Variants in RBM47 observed in about 807,000 individuals in gnomAD.
RBM47 encodes the protein RNA binding motif protein 47, also known as RNA-binding protein 47.
RBM47 carries 21 observed loss-of-function variants against 47.1 expected under a neutral mutation model. That is an observed-to-expected ratio of 0.45 (90% CI 0.32 to 0.64). RBM47 has a LOEUF of 0.64. Ranked by LOEUF, RBM47 falls within the 30% of genes least tolerant of loss-of-function variation. The pLI is 0.05. For missense variants in RBM47, 708 were observed against 870.9 expected (o/e 0.81, Z 2.35); for synonymous variants, 375 against 361.7 (o/e 1.04, Z -0.42).
intron 1 of RBM47, among the ~76,000 whole-genome samples, chr4:40,601,580 A>G (rs1204947852): frequency 6.6e-6 from 1 of 152,242 alleles, no homozygotes; most frequent in Admixed American, 6.5e-5. Context: ...AGCCTTAATT[A>G]TTTAAGCAGA....
In RBM47 at chr4:40,491,508, CTTTA is replaced by C. The variant is rs34645613; in HGVS notation, c.-154-24813_-154-24810del. 8.4e-3 allele frequency among the ~76,000 whole-genome samples: 1,278 copies of C among 152,188 alleles called. 23 individuals carry two copies. The highest frequency in any genetic ancestry group is 0.029 in the African/African-American group (1,203 of 41,528). On this transcript the variant is annotated intron_variant, in intron 2 of 6. Transcript: ENST00000295971. Reference sequence around the variant, plus strand: ...AATTGTCCTTTGTCAAAATGGGAAGCTTTATTTCTCAAAGGACACCATTAAGAAA... The same window carrying C: ...AATTGTCCTTTGTCAAAATGGGAAGCTTTCTCAAAGGACACCATTAAGAAA...
chr4:40,607,537 T>C (rs1323293266), intron 1 of RBM47, among the ~76,000 whole-genome samples: 1 of 152,060 alleles, frequency 6.6e-6, no homozygotes, highest in African/African-American at 2.4e-5. Context: ...TGGGACTCCA[T>C]CTCTACAAAA....
chr4:40,474,189 A>C (rs1044823978), intron 2 of RBM47, among the ~76,000 whole-genome samples: 3 of 152,172 alleles, frequency 2.0e-5, no homozygotes, highest in Non-Finnish European at 4.4e-5. Flanking sequence ...GCAGAATTGA[A>C]CTACAAATTG....
At chr4:40,609,062 C>T (rs1705701522) in intron 1 of RBM47, among the ~76,000 whole-genome samples, 1 of 152,074 alleles carries the variant, frequency 6.6e-6, no homozygotes, top group African/African-American at 2.4e-5. Context: ...GGCATGATCT[C>T]AGCTCACTGC....
intron 2 of RBM47, among the ~76,000 whole-genome samples, chr4:40,479,935 C>A (rs1184239427): frequency 6.6e-6 from 1 of 151,984 alleles, no homozygotes. Flanking sequence ...ACACAGGCAA[C>A]CCCCATACAT....
intron 2 of RBM47, among the ~76,000 whole-genome samples, chr4:40,493,204 A>C (rs1414564569): frequency 6.6e-6 from 1 of 152,164 alleles, no homozygotes; most frequent in East Asian, 1.9e-4. Flanking sequence ...CGAGGTTACA[A>C]CCTGAATGAC....
At chr4:40,530,096 T>C (rs1431078821) in intron 2 of RBM47, among the ~76,000 whole-genome samples, 1 of 148,998 alleles carries the variant, frequency 6.7e-6, no homozygotes, top group African/African-American at 2.5e-5. Flanking sequence ...CCACCACACC[T>C]GGTTAATTTT....
chr4:40,607,935 T>C (rs1735909953), intron 1 of RBM47, among the ~76,000 whole-genome samples: 1 of 151,896 alleles, frequency 6.6e-6, no homozygotes. Flanking sequence ...TGAAACTTCA[T>C]CTCTACTAAA....
chr4:40,437,638 A>G, intron 4 of RBM47, 133 bp downstream of exon 4: 1 of 907,714 alleles, frequency 1.1e-6, no homozygotes. Context: ...CCCAGAATGC[A>G]AACCCAAAAC....
chr4:40,438,654 G>C lies in RBM47; in HGVS notation c.240C>G (p.Arg80=). The C allele has an allele frequency of 6.2e-7, 1 of 1,612,324 alleles. No homozygotes were observed. The highest frequency in any genetic ancestry group is 1.3e-5 in the African/African-American group (1 of 75,028). ...GCACCAGCTCGTCCTCGTACACGTC[G>C]CGCGGGATCTTGCCCACGAAGACCT... is the stretch of plus-strand genomic sequence containing the variant. ...GCEVFVGKIP[R]DVYEDELVPV... is the part of the protein sequence containing the mutation. Residue 80 remains arginine, a synonymous_variant, in exon 4 of 7, where the codon CGC becomes CGG. Coordinates refer to ENST00000295971, the MANE Select transcript of RBM47 (RefSeq NM_001098634.2).
intron 2 of RBM47, among the ~76,000 whole-genome samples, chr4:40,525,949 A>T (rs1038698469): frequency 3.3e-5 from 5 of 152,196 alleles, no homozygotes; most frequent in African/African-American, 4.8e-5. Flanking sequence ...TTGCCTCTTC[A>T]TTTCAGTCCC....
At chr4:40,585,144 T>C (rs1429023486) in intron 1 of RBM47, among the ~76,000 whole-genome samples, 2 of 152,208 alleles carry the variant, frequency 1.3e-5, no homozygotes, top group African/African-American at 4.8e-5. Context: ...TAAAGTTTTA[T>C]CCTCACAAAT....
intron 2 of RBM47, among the ~76,000 whole-genome samples, chr4:40,529,874 A>G (rs1360345420): frequency 6.7e-6 from 1 of 149,356 alleles, no homozygotes; most frequent in Non-Finnish European, 1.5e-5. Context: ...ATAAATAAAT[A>G]AATATTAAAA....
intron 2 of RBM47, chr4:40,491,598 G>A (rs916028522): frequency 4.6e-5 from 7 of 153,346 alleles, no homozygotes; most frequent in African/African-American, 1.7e-4. Flanking sequence ...TAATAGCCTT[G>A]TATCTAGAAT....
At chr4:40,452,798 A>T (rs936843548) in intron 3 of RBM47, among the ~76,000 whole-genome samples, 3 of 151,930 alleles carry the variant, frequency 2.0e-5, no homozygotes, top group Admixed American at 6.6e-5. Context: ...CTTAAAAGAC[A>T]ATAAATATTT....
chr4:40,571,119 G>C (rs1731660685), intron 1 of RBM47, among the ~76,000 whole-genome samples: 1 of 152,028 alleles, frequency 6.6e-6, no homozygotes, highest in Non-Finnish European at 1.5e-5. Context: ...GGGAGGTTGA[G>C]GCAGGAGAAT....
chr4:40,440,766 GAATGAT>G (rs1713497313), intron 3 of RBM47, among the ~76,000 whole-genome samples: 1 of 152,124 alleles, frequency 6.6e-6, no homozygotes, highest in Admixed American at 6.5e-5. Context: ...TATAAAATCA[GAATGAT>G]AATAATAGTA....
At chr4:40,560,032 A>G (rs942222822) in intron 1 of RBM47, among the ~76,000 whole-genome samples, 3 of 152,106 alleles carry the variant, frequency 2.0e-5, no homozygotes, top group South Asian at 2.1e-4. Flanking sequence ...CACTTTCTTG[A>G]TATTACTCTC....
At chr4:40,582,153 T>A (rs914763144) in intron 1 of RBM47, among the ~76,000 whole-genome samples, 2 of 152,140 alleles carry the variant, frequency 1.3e-5, no homozygotes, top group Admixed American at 6.6e-5. Flanking sequence ...ATGTCTTAGT[T>A]CAAGTTCTTC....
Sources: allele counts gnomAD v4.1 joint callset (sites outside exome capture counted in the v4.1 genomes callset), GRCh38; gene constraint gnomAD v4.1.1; transcripts MANE v1.5; gene names NCBI Gene and HGNC (gene_info 2026-07-23, HGNC 2026-07-21).